The following GPC6 variants were observed in gnomAD, a reference collection of about 807,000 sequenced individuals.
GPC6 encodes the protein glypican-6.
In GPC6, 14 loss-of-function variants were observed where a neutral mutation model predicts 55.2. The ratio of observed to expected loss-of-function variants is 0.25; its 90% CI spans 0.17 to 0.40. The LOEUF (loss-of-function observed/expected upper bound fraction) is 0.40. GPC6 is among the 10% of genes least tolerant of loss of function. The pLI is 1.00. For synonymous variants in GPC6, 278 were observed against 259.6 expected (o/e 1.07, Z -0.68); for missense variants, 641 against 708.5 (o/e 0.90, Z 1.08).
rs182991136 is a variant in GPC6 at position 94,379,808 on chromosome 13, G to A, written c.1153-2606G>A. 2.5e-3 allele frequency among the ~76,000 whole-genome samples: 376 copies of A among 152,150 alleles called. 6 individuals are homozygous for A. The highest frequency in any genetic ancestry group is 0.022 in the Admixed American group (342 of 15,286). On this transcript the variant is annotated intron_variant, in intron 6 of 8. Coordinates refer to ENST00000377047, the MANE Select transcript of GPC6 (RefSeq NM_005708.5). ...TCACTTGACCCATACTGGACACTGT[G>A]GATAAAGATAAATTACAACCCTATT...
chr13:93,410,275 C>G (rs1410289604), intron 1 of GPC6, among the ~76,000 whole-genome samples: 2 of 152,146 alleles, frequency 1.3e-5, no homozygotes, highest in Non-Finnish European at 1.5e-5. Context: ...TAGCTACAAA[C>G]CATACTTCTT....
chr13:94,315,025 C>T (rs538998985), intron 6 of GPC6, among the ~76,000 whole-genome samples: 4 of 152,316 alleles, frequency 2.6e-5, no homozygotes, highest in South Asian at 4.1e-4. Context: ...ATTTGCAATA[C>T]ACAATAACTT....
At chr13:93,708,139 A>C (rs149825605) in intron 2 of GPC6, among the ~76,000 whole-genome samples, 2,244 of 151,960 alleles carry the variant, frequency 0.015, 50 homozygotes, top group Admixed American at 0.063. Context: ...ATCTTATTTC[A>C]TGACAAGTCT....
At chr13:94,382,263 C>T (rs1486016355) in intron 6 of GPC6, 151 bp from the exon 7 acceptor site, 1 of 771,316 alleles carries the variant, frequency 1.3e-6, no homozygotes, top group Non-Finnish European at 2.2e-6. Context: ...GGCAATAAAC[C>T]CTGCAGTGCA....
At chr13:94,229,224 G>A (rs1890646427) in intron 4 of GPC6, among the ~76,000 whole-genome samples, 1 of 151,978 alleles carries the variant, frequency 6.6e-6, no homozygotes, top group Non-Finnish European at 1.5e-5. Flanking sequence ...TTTCCTAATT[G>A]TTTCTAATAT....
chr13:93,556,689 C>A (rs1333546164), intron 2 of GPC6, among the ~76,000 whole-genome samples: 1 of 151,886 alleles, frequency 6.6e-6, no homozygotes, highest in Non-Finnish European at 1.5e-5. Context: ...ACCTCTCCAC[C>A]ACTCACTCGC....
intron 4 of GPC6, among the ~76,000 whole-genome samples, chr13:94,136,073 CA>C (rs1439723278): frequency 6.6e-6 from 1 of 151,738 alleles, no homozygotes; most frequent in Non-Finnish European, 1.5e-5. Flanking sequence ...TTGTCATTTC[CA>C]AATAAGCAAT....
intron 1 of GPC6, among the ~76,000 whole-genome samples, chr13:93,339,728 C>G (rs991037502): frequency 6.6e-6 from 1 of 152,138 alleles, no homozygotes; most frequent in Non-Finnish European, 1.5e-5. Flanking sequence ...AACGGCTTCC[C>G]GGGCTTAAAA....
In GPC6 at chr13:93,381,867, G is replaced by A. The variant is rs184137001; in HGVS notation, c.160+154251G>A. Among the ~76,000 whole-genome samples, 14 of 152,122 alleles carry A rather than the reference G, an allele frequency of 9.2e-5. 1 individual carries two copies. Among genetic ancestry groups the A allele is most frequent in the African/African-American group, 2.9e-4 (12 of 41,512 alleles). On this transcript the variant is annotated intron_variant, in intron 1 of 8. Transcript: ENST00000377047. ...CAGTTCAACCTAATGACACATACAT[G>A]TTGTTGCTGACTACTTACCAGTCAT...
chr13:93,232,997 A>C (rs1876113753), intron 1 of GPC6, among the ~76,000 whole-genome samples: 1 of 152,198 alleles, frequency 6.6e-6, no homozygotes, highest in Non-Finnish European at 1.5e-5. Context: ...AAGGTGATTT[A>C]GATTTATCTT....
At chr13:93,901,757 C>T (rs1026659573) in intron 3 of GPC6, among the ~76,000 whole-genome samples, 3 of 151,580 alleles carry the variant, frequency 2.0e-5, no homozygotes, top group Admixed American at 6.6e-5. Flanking sequence ...AAAAAGTAGC[C>T]GGGCGTGGTA....
chr13:93,570,653 A>T (rs1445256), intron 2 of GPC6, among the ~76,000 whole-genome samples: 1 of 152,188 alleles, frequency 6.6e-6, no homozygotes, highest in African/African-American at 2.4e-5. Context: ...AGTAGATATC[A>T]CAGGAAGTAA....
intron 3 of GPC6, among the ~76,000 whole-genome samples, chr13:93,851,814 T>C (rs563071004): frequency 2.0e-5 from 3 of 151,820 alleles, no homozygotes; most frequent in South Asian, 2.1e-4. Context: ...GATTATATCC[T>C]TCTGCCACTT....
At chr13:93,887,378 T>A (rs979583068) in intron 3 of GPC6, among the ~76,000 whole-genome samples, 3 of 152,054 alleles carry the variant, frequency 2.0e-5, no homozygotes, top group African/African-American at 7.2e-5. Context: ...GTAATTTTAA[T>A]ACTTATTAAT....
At chr13:93,415,446 ATAT>A (rs1876661849) in intron 1 of GPC6, among the ~76,000 whole-genome samples, 1 of 151,996 alleles carries the variant, frequency 6.6e-6, no homozygotes, top group African/African-American at 2.4e-5. Flanking sequence ...CATTTTCTTA[ATAT>A]TTTTATCGTA....
intron 1 of GPC6, among the ~76,000 whole-genome samples, chr13:93,484,204 C>A (rs1879619441): frequency 6.6e-6 from 1 of 152,072 alleles, no homozygotes; most frequent in Admixed American, 6.6e-5. Context: ...AAATGTAGTT[C>A]ATTCTTTACA....
chr13:93,799,610 G>A (rs368666002), intron 2 of GPC6, among the ~76,000 whole-genome samples: 6 of 152,148 alleles, frequency 3.9e-5, no homozygotes, highest in African/African-American at 1.2e-4. Flanking sequence ...AAGGCACATC[G>A]GATCTGGGGT....
chr13:94,326,511 A>G (rs1190801009), intron 6 of GPC6, among the ~76,000 whole-genome samples: 1 of 152,184 alleles, frequency 6.6e-6, no homozygotes, highest in Non-Finnish European at 1.5e-5. Flanking sequence ...CACAAACAGG[A>G]TGGATCCTCT....
At chr13:93,556,012 A>G (rs1483933732) in intron 2 of GPC6, among the ~76,000 whole-genome samples, 5 of 152,198 alleles carry the variant, frequency 3.3e-5, no homozygotes, top group African/African-American at 9.6e-5. Context: ...ACAGGCCTCC[A>G]TATCTAAGGT....
Sources: allele counts gnomAD v4.1 joint callset (sites outside exome capture counted in the v4.1 genomes callset), GRCh38; gene constraint gnomAD v4.1.1; transcripts MANE v1.5; gene names NCBI Gene and HGNC (gene_info 2026-07-23, HGNC 2026-07-21).